Variants in FBXW7 observed in about 807,000 individuals in gnomAD.
The protein encoded by FBXW7 is F-box/WD repeat-containing protein 7.
A neutral mutation model predicts 86.3 loss-of-function variants in FBXW7; 11 were observed. That is an observed-to-expected ratio of 0.13 (90% confidence interval 0.08 to 0.21). FBXW7 has a LOEUF of 0.21. Among genes scored for constraint, FBXW7 ranks in the 10% least tolerant of loss-of-function variants. The pLI, the probability that FBXW7 is intolerant of heterozygous loss-of-function variation, is 1.00. For missense variants in FBXW7, 488 were observed against 847.4 expected (o/e 0.58, Z 5.27); for synonymous variants, 313 against 297.9 (o/e 1.05, Z -0.52).
chr4:152,393,977 G>C (rs1736203929), intron 4 of FBXW7, among the ~76,000 whole-genome samples: 1 of 152,060 alleles, frequency 6.6e-6, no homozygotes, highest in Non-Finnish European at 1.5e-5. Context: ...CATATAATTA[G>C]AGGTTAAAGT....
chr4:152,410,792 G>C (rs954555911), intron 4 of FBXW7, among the ~76,000 whole-genome samples: 6 of 152,084 alleles, frequency 3.9e-5, no homozygotes, highest in African/African-American at 1.2e-4. Context: ...CCAAAACATA[G>C]TTTAACTTGT....
intron 2 of FBXW7, among the ~76,000 whole-genome samples, chr4:152,528,961 C>T (rs964932967): frequency 4.6e-5 from 7 of 151,528 alleles, no homozygotes; most frequent in Non-Finnish European, 1.0e-4. Context: ...TGTGTGTGTA[C>T]ATTTTCCCCC....
intron 4 of FBXW7, among the ~76,000 whole-genome samples, chr4:152,395,422 T>C (rs888772635): frequency 4.6e-5 from 7 of 152,074 alleles, no homozygotes; most frequent in African/African-American, 1.4e-4. Context: ...GCCCTCATAT[T>C]CTACTCCAGT....
chr4:152,448,086 CAAGA>C (rs1354981466), intron 2 of FBXW7, among the ~76,000 whole-genome samples: 3 of 152,224 alleles, frequency 2.0e-5, no homozygotes, highest in Middle Eastern at 3.4e-3. Context: ...ACGAAGAAAA[CAAGA>C]AAGAAAAACT....
intron 4 of FBXW7, chr4:152,382,325 G>A (rs141440038): frequency 5.7e-6 from 9 of 1,568,690 alleles, no homozygotes; most frequent in African/African-American, 2.7e-5. Context: ...AGGTTTTCCC[G>A]GTTTTGACAT....
Position 152,456,051 on chromosome 4 carries a change from G to T in FBXW7, c.-119-43522C>A, listed in dbSNP as rs1435227247. On this transcript the variant is annotated intron_variant, in intron 2 of 13. Transcript: ENST00000281708. The stretch of plus-strand genomic sequence containing the variant: ...AACACAAAAAGCATGAAATATAAAA[G>T]AAAAACTATAAATGTGTATTCATCA... 4.0e-5 allele frequency among the ~76,000 whole-genome samples: 6 copies of T among 151,798 alleles called. No homozygotes were observed. The South Asian group carries it at 6.2e-4, about 16-fold the overall frequency.
chr4:152,491,802 A>AC (rs1205108399), intron 2 of FBXW7, among the ~76,000 whole-genome samples: 1 of 152,174 alleles, frequency 6.6e-6, no homozygotes, highest in Non-Finnish European at 1.5e-5. Context: ...AACTTCAGCA[A>AC]CCACCAACGT....
intron 2 of FBXW7, among the ~76,000 whole-genome samples, chr4:152,442,805 A>G (rs959116889): frequency 1.3e-5 from 2 of 152,244 alleles, no homozygotes; most frequent in Non-Finnish European, 2.9e-5. Flanking sequence ...ATCAGGGATA[A>G]GAACATGGGT....
At chr4:152,486,661 C>T (rs932799102) in intron 2 of FBXW7, among the ~76,000 whole-genome samples, 11 of 151,486 alleles carry the variant, frequency 7.3e-5, no homozygotes, top group African/African-American at 1.5e-4. Flanking sequence ...CTCTGGAGTA[C>T]GTCCTGAAGG....
chr4:152,371,592 A>G (rs898203761), intron 4 of FBXW7, among the ~76,000 whole-genome samples: 3 of 152,060 alleles, frequency 2.0e-5, no homozygotes, highest in Non-Finnish European at 4.4e-5. Flanking sequence ...TGAAAAAACT[A>G]TAATACAAAT....
intron 2 of FBXW7, among the ~76,000 whole-genome samples, chr4:152,467,816 C>T (rs1027380200): frequency 8.5e-5 from 13 of 152,076 alleles, no homozygotes; most frequent in Non-Finnish European, 1.8e-4. Context: ...AACAGATCAG[C>T]TGAACTTCAA....
At position 152,393,460 on chromosome 4, in the gene FBXW7, AATG is replaced by A. The variant is rs1489210520; in HGVS notation, c.501+17840_501+17842del. ...TTTTCTATACCAAGTAACAGAGTAA[AATG>A]ATAATGATGAATAAACCCCAAAACT... On this transcript the variant is annotated intron_variant, in intron 4 of 13. Transcript: ENST00000281708. Among the ~76,000 whole-genome samples, 3 of 152,176 alleles carry A rather than the reference AATG, an allele frequency of 2.0e-5. No homozygotes were observed. The East Asian group carries it at 5.8e-4, about 29-fold the overall frequency.
chr4:152,323,365 T>A (rs1020326236), intron 13 of FBXW7: 3 of 608,026 alleles, frequency 4.9e-6, no homozygotes, highest in Non-Finnish European at 8.4e-6. Context: ...TTTCAAGAGG[T>A]CTGTCTTCCA....
chr4:152,436,809 A>G (rs561665679), intron 2 of FBXW7, among the ~76,000 whole-genome samples: 9 of 152,314 alleles, frequency 5.9e-5, no homozygotes, highest in Admixed American at 5.9e-4. Flanking sequence ...CAGCACATCC[A>G]TTTATTGCAA....
At chr4:152,427,307 A>T (rs1739475406) in intron 2 of FBXW7, among the ~76,000 whole-genome samples, 1 of 152,230 alleles carries the variant, frequency 6.6e-6, no homozygotes, top group Non-Finnish European at 1.5e-5. Context: ...CAGAGGTTAG[A>T]TTCTCACTGA....
chr4:152,514,758 C>G (rs1052902724), intron 2 of FBXW7, among the ~76,000 whole-genome samples: 24 of 152,136 alleles, frequency 1.6e-4, no homozygotes, highest in African/African-American at 5.8e-4. Flanking sequence ...GAAGCCCTCA[C>G]CAGAAAGCAG....
intron 7 of FBXW7, among the ~76,000 whole-genome samples, chr4:152,335,328 T>C (rs896580486): frequency 1.4e-5 from 2 of 143,744 alleles, no homozygotes; most frequent in African/African-American, 5.2e-5. Flanking sequence ...ATTACCCAAG[T>C]GTGGTGGCAC....
rs1336586036 is a variant in FBXW7, at chr4:152,505,249, C to A, written c.-120+29692G>T. Among the ~76,000 whole-genome samples the A allele has an allele frequency of 2.6e-5, 4 of 152,132 alleles. No individual in the cohort carries two copies. In the East Asian group the frequency reaches 7.7e-4, roughly 29 times the overall value. Reference sequence around the variant, plus strand: ...GGACTGGAAGGTGCTCTAGATGAGTCAGTTGGGGTGGATGCATATGAAGGC... The same window carrying A: ...GGACTGGAAGGTGCTCTAGATGAGTAAGTTGGGGTGGATGCATATGAAGGC... On this transcript the variant is annotated intron_variant, in intron 2 of 13. Coordinates refer to ENST00000281708, the MANE Select transcript of FBXW7 (RefSeq NM_001349798.2).
At chr4:152,435,001 T>C (rs1436314877) in intron 2 of FBXW7, among the ~76,000 whole-genome samples, 4 of 147,800 alleles carry the variant, frequency 2.7e-5, no homozygotes, top group Non-Finnish European at 6.0e-5. Context: ...ATGTTTAATA[T>C]TCTGCCTTCA....
Sources: allele counts gnomAD v4.1 joint callset (sites outside exome capture counted in the v4.1 genomes callset), GRCh38; gene constraint gnomAD v4.1.1; transcripts MANE v1.5; gene names NCBI Gene and HGNC (gene_info 2026-07-23, HGNC 2026-07-21).